The following SHLD1 variants were observed in gnomAD, a reference collection of about 807,000 sequenced individuals.
SHLD1 encodes the protein shieldin complex subunit 1.
A neutral mutation model predicts 5.5 loss-of-function variants in SHLD1; 3 were observed. The observed-to-expected ratio is 0.54, with a 90% CI of 0.25 to 1.40. The LOEUF (loss-of-function observed/expected upper bound fraction) is 1.40, where lower values mean the gene tolerates loss of function less well. Ranked by LOEUF, SHLD1 falls within the 40% of genes most tolerant of loss-of-function variation. The pLI is 0.15. For missense variants in SHLD1, 210 were observed against 244.4 expected (o/e 0.86, Z 0.94); for synonymous variants, 92 against 94.3 (o/e 0.98, Z 0.14).
chr20:5,848,268 G>A (rs1255575653), intron 2 of SHLD1, among the ~76,000 whole-genome samples: 7 of 152,164 alleles, frequency 4.6e-5, no homozygotes, highest in Non-Finnish European at 8.8e-5. Flanking sequence ...GGCTGGGCAT[G>A]GTGGCTCATG....
At chr20:5,832,450 C>A (rs1445496728) in intron 2 of SHLD1, among the ~76,000 whole-genome samples, 43 of 151,948 alleles carry the variant, frequency 2.8e-4, no homozygotes, top group Admixed American at 2.7e-3. Context: ...TCCTCTTATT[C>A]ACCACTTAAA....
At chr20:5,840,338 G>A (rs931984590) in intron 2 of SHLD1, among the ~76,000 whole-genome samples, 7 of 151,530 alleles carry the variant, frequency 4.6e-5, no homozygotes, top group Non-Finnish European at 8.8e-5. Flanking sequence ...TTTTTCATCT[G>A]ACAGAGAATG....
intron 2 of SHLD1, among the ~76,000 whole-genome samples, chr20:5,800,000 A>C (rs144861472): frequency 1.3e-5 from 1 of 75,860 alleles, no homozygotes; most frequent in East Asian, 6.0e-4. Context: ...GATTATTGCT[A>C]GAGCAGTGGT....
rs112410726 is a variant in SHLD1, at chr20:5,808,647, A to G, written c.178+35604A>G. 7.6e-3 allele frequency among the ~76,000 whole-genome samples: 1,156 copies of G among 152,266 alleles called. 5 individuals carry two copies. Among genetic ancestry groups the G allele is most frequent in the African/African-American group, 0.026 (1,087 of 41,550 alleles). ...TATTGATGGATGTTTAGATTGACCC[A>G]TGTTTTTACTCATAAACAATCTTGC... On this transcript the variant is annotated intron_variant, in intron 2 of 2. Coordinates refer to ENST00000303142, the MANE Select transcript of SHLD1 (RefSeq NM_152504.4).
chr20:5,765,107 A>T (rs1984751840), intron 1 of SHLD1: 1 of 150,010 alleles, frequency 6.7e-6, no homozygotes, highest in South Asian at 2.1e-4. Flanking sequence ...AGGTCTTGCT[A>T]TGTTGCCCAG....
At chr20:5,844,111 G>A (rs1224228362) in intron 2 of SHLD1, among the ~76,000 whole-genome samples, 1 of 152,210 alleles carries the variant, frequency 6.6e-6, no homozygotes, top group African/African-American at 2.4e-5. Flanking sequence ...AAATTCAAGT[G>A]TAAATGGGAG....
At chr20:5,838,985 T>C (rs975331269) in intron 2 of SHLD1, among the ~76,000 whole-genome samples, 8 of 152,226 alleles carry the variant, frequency 5.3e-5, no homozygotes, top group South Asian at 2.1e-4. Context: ...CTGGAAGTCA[T>C]GCTGAAGATA....
Position 5,863,626 on chromosome 20 carries a change from C to G in SHLD1, c.*163C>G. ...TGGCACCTGTGACCTGGTATTGGAG[C>G]CAGTCAGCCCATATGGAGAGCCAGC... On this transcript the variant is annotated 3_prime_UTR_variant, in exon 3 of 3. Coordinates refer to ENST00000303142, the MANE Select transcript of SHLD1 (RefSeq NM_152504.4). 1 of 672,174 alleles carries G rather than the reference C, an allele frequency of 1.5e-6. No individual in the cohort carries two copies. The highest frequency in any genetic ancestry group is 2.4e-6 in the Non-Finnish European group (1 of 411,558). 41.6% of individuals were successfully genotyped at this position (672,174 alleles called of 1,614,324 possible). A position where few individuals can be genotyped will look rare whatever the true frequency, so the allele number is the denominator to read the frequency against.
intron 2 of SHLD1, among the ~76,000 whole-genome samples, chr20:5,840,608 G>A (rs1051768729): frequency 6.6e-6 from 1 of 152,126 alleles, no homozygotes; most frequent in East Asian, 1.9e-4. Context: ...CATCTGAACC[G>A]GCAGCTTCCT....
chr20:5,807,734 T>C (rs1156818122), intron 2 of SHLD1, among the ~76,000 whole-genome samples: 1 of 152,148 alleles, frequency 6.6e-6, no homozygotes, highest in African/African-American at 2.4e-5. Context: ...TCGACTTCCT[T>C]TTGGAGAATA....
intron 2 of SHLD1, among the ~76,000 whole-genome samples, chr20:5,811,202 A>G (rs2087454456): frequency 6.6e-6 from 1 of 152,134 alleles, no homozygotes; most frequent in African/African-American, 2.4e-5. Flanking sequence ...GCTCAGAGAG[A>G]TGTCCCAGGT....
At chr20:5,755,555 T>G (rs1030257843) in intron 1 of SHLD1, among the ~76,000 whole-genome samples, 1 of 151,268 alleles carries the variant, frequency 6.6e-6, no homozygotes, top group Admixed American at 6.6e-5. Context: ...AACATTTTCT[T>G]TTTCTTTTTC....
At chr20:5,833,202 C>A (rs115649563) in intron 2 of SHLD1, among the ~76,000 whole-genome samples, 1,629 of 152,324 alleles carry the variant, frequency 0.011, 30 homozygotes, top group African/African-American at 0.037. Flanking sequence ...CGAGACTCCT[C>A]TGAGCTTGTC....
At chr20:5,751,915 A>G (rs1370980693) in intron 1 of SHLD1, among the ~76,000 whole-genome samples, 1 of 152,196 alleles carries the variant, frequency 6.6e-6, no homozygotes, top group Non-Finnish European at 1.5e-5. Flanking sequence ...GTGGTCTTAG[A>G]AGTCTTAGGT....
At chr20:5,784,076 G>A (rs542952652) in intron 2 of SHLD1, among the ~76,000 whole-genome samples, 18 of 152,030 alleles carry the variant, frequency 1.2e-4, no homozygotes, top group East Asian at 5.8e-4. Context: ...GCTTGAACCC[G>A]GGAGGCGGAG....
intron 2 of SHLD1, among the ~76,000 whole-genome samples, chr20:5,810,589 C>G (rs2087445229): frequency 6.6e-6 from 1 of 151,990 alleles, no homozygotes; most frequent in African/African-American, 2.4e-5. Context: ...TCTATTTCCC[C>G]TACCAATAGA....
At chr20:5,851,265 C>G (rs185129767) in intron 2 of SHLD1, among the ~76,000 whole-genome samples, 272 of 152,266 alleles carry the variant, frequency 1.8e-3, no homozygotes, top group Non-Finnish European at 3.0e-3. Context: ...GCCAGAGGAT[C>G]ACTTAAGCCC....
chr20:5,750,709 G>GT (rs149517220), intron 1 of SHLD1, among the ~76,000 whole-genome samples: 2,849 of 150,970 alleles, frequency 0.019, 84 homozygotes, highest in African/African-American at 0.064. Flanking sequence ...CGGTTTTGTT[G>GT]TTTTTTTTTA....
chr20:5,811,351 T>C (rs373068980), intron 2 of SHLD1, among the ~76,000 whole-genome samples: 258 of 152,282 alleles, frequency 1.7e-3, no homozygotes, highest in South Asian at 6.8e-3. Context: ...GTGGAAACTT[T>C]ACTTATCAGA....
Sources: allele counts gnomAD v4.1 joint callset (sites outside exome capture counted in the v4.1 genomes callset), GRCh38; gene constraint gnomAD v4.1.1; transcripts MANE v1.5; gene names NCBI Gene and HGNC (gene_info 2026-07-23, HGNC 2026-07-21).